GSS: variants seen among roughly 807,000 people sequenced by gnomAD.
GSS encodes glutathione synthetase, also known as GSH synthetase.
A neutral mutation model predicts 60.4 loss-of-function variants in GSS; 34 were observed. The observed-to-expected ratio is 0.56, with a 90% CI of 0.43 to 0.75. GSS has a LOEUF of 0.75. Ranked by LOEUF, GSS falls within the 30% of genes least tolerant of loss-of-function variation. The probability of loss-of-function intolerance (pLI) is 0.00; values close to 1 mark genes in which losing one functional copy is unlikely to be tolerated. For missense variants in GSS, 499 were observed against 595.1 expected (o/e 0.84, Z 1.68); for synonymous variants, 224 against 239.0 (o/e 0.94, Z 0.58).
At chr20:34,953,629 T>C (rs550482999) in intron 1 of GSS, among the ~76,000 whole-genome samples, 6 of 150,732 alleles carry the variant, frequency 4.0e-5, no homozygotes, top group African/African-American at 1.5e-4. Context: ...TCTTTTTTTT[T>C]TTTTTTGACG....
chr20:34,947,335 G>C (rs1333646991), intron 2 of GSS, among the ~76,000 whole-genome samples: 1 of 152,152 alleles, frequency 6.6e-6, no homozygotes, highest in Non-Finnish European at 1.5e-5. Context: ...TGATCTGCCT[G>C]CCTCAGCCTC....
chr20:34,934,364 C>T (rs1023719903), intron 9 of GSS, among the ~76,000 whole-genome samples: 1 of 151,244 alleles, frequency 6.6e-6, no homozygotes, highest in African/African-American at 2.4e-5. Flanking sequence ...GCAACCTCTG[C>T]CTCCCGGGCT....
intron 3 of GSS, 124 bp downstream of exon 3, chr20:34,945,829 C>A (rs1226781362): frequency 9.6e-7 from 1 of 1,036,674 alleles, no homozygotes; most frequent in African/African-American, 1.6e-5. Flanking sequence ...ACTTTTTGTT[C>A]TTTGGAGGTA....
chr20:34,942,833 T>C, intron 4 of GSS, 98 bp downstream of exon 4: 1 of 965,732 alleles, frequency 1.0e-6, no homozygotes, highest in Non-Finnish European at 1.6e-6. Context: ...CAGATTCCCA[T>C]GAGCTGAGGG....
At chr20:34,930,737 C>T (rs1311045909) in intron 11 of GSS, among the ~76,000 whole-genome samples, 2 of 151,960 alleles carry the variant, frequency 1.3e-5, no homozygotes, top group African/African-American at 4.8e-5. Context: ...AGATAAAATC[C>T]AATTTCTCAG....
intron 2 of GSS, chr20:34,946,538 G>A (rs1205080373): frequency 1.3e-5 from 2 of 155,136 alleles, no homozygotes; most frequent in African/African-American, 4.8e-5. Flanking sequence ...AACCAGAACA[G>A]TTAACAGATC....
At chr20:34,935,923 A>G (rs141290618) in intron 8 of GSS, among the ~76,000 whole-genome samples, 3 of 152,336 alleles carry the variant, frequency 2.0e-5, no homozygotes, top group Admixed American at 1.3e-4. Flanking sequence ...ACTAGAATCA[A>G]ATTTGGTAAA....
In GSS at chr20:34,941,791, C is replaced by A. The variant is rs753426310; in HGVS notation, c.530G>T (p.Gly177Val). The A allele has an allele frequency of 3.1e-6, 5 of 1,611,110 alleles. No individual in the cohort carries two copies. Among genetic ancestry groups the A allele is most frequent in the Admixed American group, 1.7e-5 (1 of 60,004 alleles). ...LSVLSKTKEA[G>V]KILSNNPSKG... ...GCTGGGATTATTAGAGAGGATCTTG[C>A]CAGCTTCTTTGGTCTTACTCAGGAC... The change falls in exon 6 of 13, where the codon GGC becomes GTC. Residue 177 changes from glycine (G) to valine (V), a missense_variant. By Grantham distance (109) the Gly-to-Val change is moderately radical. Transcript: ENST00000651619.
chr20:34,948,557 G>A lies in GSS; in HGVS notation c.130-2459C>T, dbSNP rs534753368. ...TCCCAGCACTTTGGGAGGCCGAGGC[G>A]GGCAGATCACAAGATCAAGAGATCG... On this transcript the variant is annotated intron_variant, in intron 2 of 12. Coordinates refer to ENST00000651619, the MANE Select transcript of GSS (RefSeq NM_000178.4). 9.4e-4 allele frequency among the ~76,000 whole-genome samples: 143 copies of A among 152,186 alleles called. 1 individual carries two copies. Among genetic ancestry groups the A allele is most frequent in the African/African-American group, 3.3e-3 (135 of 41,512 alleles).
intron 1 of GSS, 183 bp downstream of exon 1, chr20:34,955,544 C>G (rs576090643): frequency 1.3e-5 from 2 of 152,558 alleles, no homozygotes; most frequent in South Asian, 4.1e-4. Flanking sequence ...TCCGGAAAGT[C>G]TGGGATCAGT....
Position 34,942,596 on chromosome 20 carries a change from TAGTCTGAGCGATTCA to T in GSS, c.368_382del (p.Leu123_Tyr128delinsHis), listed in dbSNP as rs2081492603. The T allele has an allele frequency of 1.9e-6, 3 of 1,613,836 alleles. No individual in the cohort carries two copies. The highest frequency in any genetic ancestry group is 2.7e-5 in the African/African-American group (2 of 74,884). On this transcript the variant is annotated inframe_deletion, in exon 5 of 13. Transcript: ENST00000651619. ...GCCATCTGCGCTGCGCTGGAACATG[TAGTCTGAGCGATTCA>T]GGCCCAGGAACACAGTCTGTGGGGA...
At chr20:34,935,407 T>C (rs189233808) in intron 9 of GSS, among the ~76,000 whole-genome samples, 169 bp downstream of exon 9, 10 of 152,144 alleles carry the variant, frequency 6.6e-5, no homozygotes, top group African/African-American at 2.4e-4. Context: ...TGTAGAGTGA[T>C]AGGTAGCAAA....
At chr20:34,929,088 C>T in intron 12 of GSS, 137 bp from the exon 13 acceptor site, 2 of 1,008,184 alleles carry the variant, frequency 2.0e-6, no homozygotes, top group South Asian at 1.3e-5. Flanking sequence ...CTCTATGCCT[C>T]TCTGGAGTCT....
chr20:34,942,674 C>T, intron 4 of GSS, 47 bp from the exon 5 acceptor site: 1 of 1,594,986 alleles, frequency 6.3e-7, no homozygotes, highest in Non-Finnish European at 8.6e-7. Context: ...GGGACTGACT[C>T]TGAGGACCTA....
At chr20:34,947,166 C>CTT (rs763010683) in intron 2 of GSS, among the ~76,000 whole-genome samples, 23 of 152,228 alleles carry the variant, frequency 1.5e-4, no homozygotes, top group Admixed American at 3.3e-4. Flanking sequence ...CGGCTCACTG[C>CTT]AACCTCCATC....
intron 3 of GSS, among the ~76,000 whole-genome samples, chr20:34,945,081 C>T (rs1195139303): frequency 6.6e-6 from 1 of 151,228 alleles, no homozygotes; most frequent in Non-Finnish European, 1.5e-5. Flanking sequence ...AGTACAGTGT[C>T]GTGATCTTGG....
At chr20:34,931,241 G>A (rs2081398548) in intron 11 of GSS, 95 bp downstream of exon 11, 2 of 978,534 alleles carry the variant, frequency 2.0e-6, no homozygotes, top group Non-Finnish European at 3.3e-6. Flanking sequence ...TTTCCCCCAT[G>A]CCCGGGACTG....
chr20:34,947,724 A>G (rs1361030848), intron 2 of GSS, among the ~76,000 whole-genome samples: 1 of 149,924 alleles, frequency 6.7e-6, no homozygotes, highest in Non-Finnish European at 1.5e-5. Flanking sequence ...ATATTATTCT[A>G]CTCTTAGGAT....
intron 6 of GSS, among the ~76,000 whole-genome samples, chr20:34,938,723 G>C (rs1390822039): frequency 6.6e-6 from 1 of 152,136 alleles, no homozygotes; most frequent in Non-Finnish European, 1.5e-5. Flanking sequence ...ATCAGAGCTG[G>C]GCTCAGAAAA....
Sources: gnomAD v4.1 joint callset for allele counts (sites outside exome capture counted in the v4.1 genomes callset) on GRCh38, gnomAD v4.1.1 for gene constraint, MANE v1.5 for transcripts, NCBI Gene and HGNC (gene_info 2026-07-23, HGNC 2026-07-21) for gene names.